The following NCAN variants were observed in gnomAD, a reference collection of about 807,000 sequenced individuals.
The protein encoded by NCAN is neurocan core protein.
A neutral mutation model predicts 121.8 loss-of-function variants in NCAN; 47 were observed. The observed-to-expected ratio is 0.39, with a 90% confidence interval of 0.31 to 0.49. The LOEUF is 0.49. Ranked by LOEUF, NCAN falls within the 20% of genes least tolerant of loss-of-function variation. The pLI is 0.92. For synonymous variants in NCAN, 633 were observed against 702.0 expected (o/e 0.90, Z 1.55); for missense variants, 1,517 against 1,773.4 (o/e 0.86, Z 2.60).
At chr19:19,236,569 C>T (rs2060881948) in intron 10 of NCAN, among the ~76,000 whole-genome samples, 1 of 151,794 alleles carries the variant, frequency 6.6e-6, no homozygotes, top group Non-Finnish European at 1.5e-5. Flanking sequence ...AGTGGAATTG[C>T]TGGGTCATAT....
In NCAN at chr19:19,225,429, C is replaced by T; in HGVS notation, c.1072+159C>T. Among the ~76,000 whole-genome samples the T allele has an allele frequency of 6.6e-6, 1 of 152,200 alleles. No homozygotes were observed. The highest frequency in any genetic ancestry group is 1.5e-5 in the Non-Finnish European group (1 of 68,022). ...GCCACGCCCCCGGGTGAAGGCCACA[C>T]CCGTTACGACAAGTCTTTCCCTAGG... On this transcript the variant is annotated intron_variant, in intron 6 of 14. Transcript: ENST00000252575. This position sits in a 1 kb window ranked among gnomAD's most constrained non-coding sequence, Gnocchi z 4.0.
chr19:19,225,421 A>G lies in NCAN; in HGVS notation c.1072+151A>G, dbSNP rs1195034169. 1.5e-5 allele frequency: 15 copies of G among 1,027,346 alleles called. No individual in the cohort carries two copies. Among genetic ancestry groups the G allele is most frequent in the Non-Finnish European group, 1.9e-5 (14 of 750,238 alleles). The allele number at this position is 1,027,346 out of a possible 1,614,324, so 63.6% of individuals were successfully genotyped here. ...GGGTGAGGGCCACGCCCCCGGGTGA[A>G]GGCCACACCCGTTACGACAAGTCTT... is the stretch of plus-strand genomic sequence containing the variant. On this transcript the variant is annotated intron_variant, in intron 6 of 14. Transcript: ENST00000252575. The surrounding 1 kb of genome is among the most constrained non-coding windows in gnomAD (Gnocchi z 4.0).
intron 8 of NCAN, among the ~76,000 whole-genome samples, chr19:19,232,099 G>T (rs1568599230): frequency 6.6e-6 from 1 of 152,072 alleles, no homozygotes; most frequent in Non-Finnish European, 1.5e-5. Flanking sequence ...TAGAGAAGGG[G>T]CAGTCAGAGA....
Position 19,249,894 on chromosome 19 carries a change from G to A in NCAN, c.3949G>A (p.Glu1317Lys), listed in dbSNP as rs201770310. 5.0e-6 allele frequency: 8 copies of A among 1,613,826 alleles called. No individual in the cohort carries two copies. Among genetic ancestry groups the A allele is most frequent in the African/African-American group, 4.0e-5 (3 of 75,020 alleles). The change falls in exon 15 of 15, where the codon GAA (glutamate) becomes AAA (lysine). Residue 1317 changes from glutamate to lysine, a missense_variant. Transcript: ENST00000252575. ...KHPTEDWEKD[E>K]GNFC ...CCCAACGGAGGACTGGGAGAAGGACGAAGGGAATTTCTGCTGAAGAACCAG... is the reference window on the plus strand; with the variant it reads ...CCCAACGGAGGACTGGGAGAAGGACAAAGGGAATTTCTGCTGAAGAACCAG...
chr19:19,230,464 C>T (rs1364763769), intron 8 of NCAN, among the ~76,000 whole-genome samples: 2 of 136,782 alleles, frequency 1.5e-5, no homozygotes, highest in Non-Finnish European at 3.0e-5. Context: ...AGTGCAGTGG[C>T]AAGATCGTGG....
Position 19,250,131 on chromosome 19 carries a change from T to G in NCAN, c.*220T>G, listed in dbSNP as rs1206032684. ...GGAGCCAGGTGTCTGAAAAGTTCAT[T>G]CTCGTCTGGCTGAACTCTGGGAGTG... On this transcript the variant is annotated 3_prime_UTR_variant, in exon 15 of 15. Transcript: ENST00000252575. 1.2e-5 allele frequency: 8 copies of G among 688,594 alleles called. No homozygotes were observed. Among genetic ancestry groups the G allele is most frequent in the Non-Finnish European group, 2.1e-5 (8 of 379,082 alleles). The allele number at this position is 688,594 out of a possible 1,614,324, so 42.7% of individuals were successfully genotyped here. A position where few individuals can be genotyped will look rare whatever the true frequency, so the allele number is the denominator to read the frequency against.
chr19:19,250,162 C>CA lies in NCAN; in HGVS notation c.*252dup, dbSNP rs1170543886. 1.2e-5 allele frequency: 8 copies of CA among 651,292 alleles called. No homozygotes were observed. Among genetic ancestry groups the CA allele is most frequent in the Non-Finnish European group, 1.1e-5 (4 of 352,420 alleles). The allele number at this position is 651,292 out of a possible 1,614,324, so 40.3% of individuals were successfully genotyped here. A position where few individuals can be genotyped will look rare whatever the true frequency, so the allele number is the denominator to read the frequency against. On this transcript the variant is annotated 3_prime_UTR_variant, in exon 15 of 15. Transcript: ENST00000252575. ...CTGGCTGAACTCTGGGAGTGTGTCC[C>CA]AGCTGAGGGAAGCACAAGTAGCAAA...
At chr19:19,248,659 A>C in intron 13 of NCAN, 41 bp from the exon 14 acceptor site, 1 of 1,581,914 alleles carries the variant, frequency 6.3e-7, no homozygotes, top group Non-Finnish European at 8.7e-7. Context: ...GTTTAGCCCC[A>C]GATGTGAGCA....
At chr19:19,233,624 A>G (rs1248361372) in intron 8 of NCAN, among the ~76,000 whole-genome samples, 165 bp from the exon 9 acceptor site, 1 of 152,174 alleles carries the variant, frequency 6.6e-6, no homozygotes, top group East Asian at 1.9e-4. Context: ...TCCTCGTAAC[A>G]GGGGTCATAT....
At chr19:19,238,036 C>G (rs1189574355) in intron 10 of NCAN, among the ~76,000 whole-genome samples, 1 of 151,446 alleles carries the variant, frequency 6.6e-6, no homozygotes, top group African/African-American at 2.4e-5. Context: ...GAGTGAGACC[C>G]TGTCCAAAAA....
At chr19:19,218,478 GT>G (rs979758047) in intron 2 of NCAN, among the ~76,000 whole-genome samples, 48 of 143,984 alleles carry the variant, frequency 3.3e-4, no homozygotes, top group African/African-American at 8.1e-4. Context: ...ATAGTTTTTT[GT>G]TTTTTTTTTT....
In NCAN at chr19:19,228,878, C is replaced by T. The variant is rs996732748; in HGVS notation, c.3019+239C>T. Among the ~76,000 whole-genome samples, 4 of 152,218 alleles carry T rather than the reference C, an allele frequency of 2.6e-5. No individual in the cohort carries two copies. In the East Asian group the frequency reaches 5.8e-4, roughly 22 times the overall value. On this transcript the variant is annotated intron_variant, in intron 8 of 14. Coordinates refer to ENST00000252575, the MANE Select transcript of NCAN (RefSeq NM_004386.3). ...AGATGAAGTAGCGCTTGATCAATTTCGGGCACAGAGCATACATCCCAATGA... is the reference window on the plus strand; with the variant it reads ...AGATGAAGTAGCGCTTGATCAATTTTGGGCACAGAGCATACATCCCAATGA...
chr19:19,240,460 T>C (rs904631797), intron 11 of NCAN, 143 bp from the exon 12 acceptor site: 15 of 723,536 alleles, frequency 2.1e-5, no homozygotes, highest in Non-Finnish European at 3.7e-5. Context: ...TTCTAGATCT[T>C]TCCCCCCACC....
rs1186441185 is a variant in NCAN at position 19,228,122 on chromosome 19, G to T, written c.2502G>T (p.Thr834=). ...TGAATCCCATGGATTCCACAGTCACGCCGGCCCCCAGTGATGCTAGTGGAA... is the reference window on the plus strand; with the variant it reads ...TGAATCCCATGGATTCCACAGTCACTCCGGCCCCCAGTGATGCTAGTGGAA... The part of the protein sequence containing the change: ...PTVNPMDSTV[T]PAPSDASGIW... The change falls in exon 8 of 15, where the codon ACG becomes ACT. Residue 834 remains threonine, a synonymous_variant. Transcript: ENST00000252575. The T allele has an allele frequency of 3.7e-6, 6 of 1,613,658 alleles. No homozygotes were observed. The highest frequency in any genetic ancestry group is 4.2e-6 in the Non-Finnish European group (5 of 1,180,028).
Position 19,228,533 on chromosome 19 carries a change from G to T in NCAN, c.2913G>T (p.Leu971=). 3 of 1,613,362 alleles carry T rather than the reference G, an allele frequency of 1.9e-6. No individual in the cohort carries two copies. Among genetic ancestry groups the T allele is most frequent in the Admixed American group, 1.7e-5 (1 of 60,024 alleles). Residue 971 remains leucine (L), a synonymous_variant, in exon 8 of 15, where the codon CTG becomes CTT. Coordinates refer to ENST00000252575, the MANE Select transcript of NCAN (RefSeq NM_004386.3). ...PVTLGIEDFE[L]EVLAGSPGVE... ...CCCTGGGCATAGAGGACTTCGAACT[G>T]GAGGTCCTGGCAGGGAGCCCGGGTG...
intron 3 of NCAN, among the ~76,000 whole-genome samples, chr19:19,221,393 C>T (rs2060816247): frequency 6.6e-6 from 1 of 151,930 alleles, no homozygotes; most frequent in South Asian, 2.1e-4. Flanking sequence ...GATGGTGAAA[C>T]CCCTTCTCTA....
rs750411666 is a variant in NCAN at position 19,248,902 on chromosome 19, G to A, written c.3820+20G>A. ...CCAAACGTAAGTAGCTTCTCCCAGAGATCTCAACATAGGTTTTTGGTATTT... is the reference window on the plus strand; with the variant it reads ...CCAAACGTAAGTAGCTTCTCCCAGAAATCTCAACATAGGTTTTTGGTATTT... On this transcript the variant is annotated intron_variant, in intron 14 of 14. Coordinates refer to ENST00000252575, the MANE Select transcript of NCAN (RefSeq NM_004386.3). 2.5e-6 allele frequency: 4 copies of A among 1,612,350 alleles called. No homozygotes were observed. The East Asian group carries it at 8.9e-5, about 36-fold the overall frequency.
Position 19,227,903 on chromosome 19 carries a change from C to T in NCAN, c.2283C>T (p.Phe761=), listed in dbSNP as rs201602902. 13 of 1,613,636 alleles carry T rather than the reference C, an allele frequency of 8.1e-6. No homozygotes were observed. In the Admixed American group the frequency reaches 8.3e-5, roughly 10 times the overall value. Residue 761 remains phenylalanine (F), a synonymous_variant, in exon 8 of 15, where the codon TTC becomes TTT. Transcript: ENST00000252575. This position sits in a 1 kb window ranked among gnomAD's most constrained non-coding sequence, Gnocchi z 4.2. ...RGIPGSESGV[F]DTAESPTSGL... is the part of the protein sequence containing the mutation. ...TCCCGGGGTCTGAGTCTGGGGTCTT[C>T]GACACAGCAGAAAGCCCCACTTCTG...
At position 19,245,342 on chromosome 19, in the gene NCAN, G is replaced by C. The variant is rs1008744871; in HGVS notation, c.3522G>C (p.Pro1174=). ...TTGAGAACTGGCGAGAGAACCAGCC[G>C]GACAATTTCTTCGCGGGTGGCGAGG... ...LQFENWRENQ[P]DNFFAGGEDC... The change falls in exon 13 of 15, where the codon CCG becomes CCC. Residue 1174 remains proline (P), a synonymous_variant. Transcript: ENST00000252575. The C allele has an allele frequency of 1.2e-6, 2 of 1,614,206 alleles. No homozygotes were observed. Among genetic ancestry groups the C allele is most frequent in the South Asian group, 1.1e-5 (1 of 91,086 alleles).
Sources: allele counts gnomAD v4.1 joint callset (sites outside exome capture counted in the v4.1 genomes callset), GRCh38; gene constraint gnomAD v4.1.1; non-coding constraint Gnocchi (gnomAD v3.1); transcripts MANE v1.5; gene names NCBI Gene and HGNC (gene_info 2026-07-23, HGNC 2026-07-21).